The following TMEM30A variants were observed in gnomAD, a reference collection of about 807,000 sequenced individuals.
The protein encoded by TMEM30A is cell division cycle 50 P4-ATPase accessory subunit A, also known as cell cycle control protein 50A.
In TMEM30A, 24 loss-of-function variants were observed where a neutral mutation model predicts 38.2. The observed-to-expected ratio is 0.63, with a 90% CI of 0.46 to 0.88. The LOEUF is 0.88. Ranked by LOEUF, TMEM30A falls within the 40% of genes least tolerant of loss-of-function variation. The pLI is 0.00. For missense variants in TMEM30A, 370 were observed against 458.6 expected (o/e 0.81, Z 1.77); for synonymous variants, 145 against 161.6 (o/e 0.90, Z 0.78).
intron 1 of TMEM30A, among the ~76,000 whole-genome samples, chr6:75,282,073 T>C (rs1302777409): frequency 6.6e-6 from 1 of 152,230 alleles, no homozygotes; most frequent in Non-Finnish European, 1.5e-5. Context: ...AAACACATCC[T>C]GCTTTTTTAA....
intron 1 of TMEM30A, among the ~76,000 whole-genome samples, chr6:75,269,322 C>T (rs1772126738): frequency 6.6e-6 from 1 of 152,186 alleles, no homozygotes; most frequent in Admixed American, 6.5e-5. Context: ...TCTGCTAACC[C>T]CTGGAAAGGA....
chr6:75,256,071 C>T lies in TMEM30A; in HGVS notation c.*31G>A. ...GTTGAATAGGACTGGCCTTGATGCA[C>T]ATGCAGATGATTTGCTTTCATAATA... On this transcript the variant is annotated 3_prime_UTR_variant, in exon 7 of 7. Transcript: ENST00000230461. 3 of 1,507,604 alleles carry T rather than the reference C, an allele frequency of 2.0e-6. No homozygotes were observed. The highest frequency in any genetic ancestry group is 2.7e-6 in the Non-Finnish European group (3 of 1,094,568). 93.4% of individuals were successfully genotyped at this position (1,507,604 alleles called of 1,614,324 possible).
chr6:75,259,039 A>G (rs1771918623), intron 5 of TMEM30A, 53 bp from the exon 6 acceptor site: 1 of 1,464,348 alleles, frequency 6.8e-7, no homozygotes, highest in African/African-American at 1.4e-5. Context: ...TTGTGAAATT[A>G]AAGTGGCGGA....
intron 1 of TMEM30A, among the ~76,000 whole-genome samples, chr6:75,276,392 G>A (rs1274118256): frequency 6.6e-6 from 1 of 152,222 alleles, no homozygotes; most frequent in East Asian, 1.9e-4. Flanking sequence ...CTTACAATTG[G>A]CATCTAAAGT....
At chr6:75,277,571 C>T (rs1472735707) in intron 1 of TMEM30A, among the ~76,000 whole-genome samples, 1 of 152,122 alleles carries the variant, frequency 6.6e-6, no homozygotes, top group Non-Finnish European at 1.5e-5. Context: ...TGCCACTGCA[C>T]TCTAGCCTGG....
In TMEM30A at chr6:75,267,701, T is replaced by C. The variant is rs1772092615; in HGVS notation, c.285A>G (p.Leu95=). Residue 95 remains leucine (L), a synonymous_variant, in exon 2 of 7, where the codon TTA becomes TTG. Coordinates refer to ENST00000230461, the MANE Select transcript of TMEM30A (RefSeq NM_018247.4). The stretch of plus-strand genomic sequence containing the variant: ...AAAAGCAAGGTGTCACATCCGGAGA[T>C]AAACATTTATTACAGGGACTGGAAG... ...TEPSSPCNKC[L]SPDVTPCFCT... The C allele has an allele frequency of 6.2e-7, 1 of 1,611,824 alleles. No individual in the cohort carries two copies.
In TMEM30A at chr6:75,259,426, T is replaced by C. The variant is rs1771924825; in HGVS notation, c.606A>G (p.Lys202=). ...TTTTATCTGTCCACCAAGCAATACC[T>C]TTCTTTTTCAAAGCGATAGGTATAG... ...SYPIPIALKK[K]GIAWWTDKNV... Residue 202 remains lysine (K), a synonymous_variant, in exon 5 of 7, where the codon AAA becomes AAG. Coordinates refer to ENST00000230461, the MANE Select transcript of TMEM30A (RefSeq NM_018247.4). 1 of 1,613,474 alleles carries C rather than the reference T, an allele frequency of 6.2e-7. No individual in the cohort carries two copies. Among genetic ancestry groups the C allele is most frequent in the South Asian group, 1.1e-5 (1 of 91,038 alleles).
rs981691091 is a variant in TMEM30A, at chr6:75,265,253, T to C, written c.431A>G (p.Asn144Ser). 1.9e-6 allele frequency: 3 copies of C among 1,607,794 alleles called. No homozygotes were observed. Among genetic ancestry groups the C allele is most frequent in the Non-Finnish European group, 2.6e-6 (3 of 1,175,572 alleles). The change falls in exon 3 of 7, where the codon AAT (asparagine) becomes AGT (serine). Residue 144 changes from asparagine (N) to serine (S), a missense_variant. Physicochemically the swap from Asn to Ser is conservative, Grantham distance 46. Transcript: ENST00000230461. ...YVKSRDDSQL[N>S]GDSSALLNPS... is the part of the protein sequence containing the mutation. ...TACAAGCAAAGCACTAGAATCTCCA[T>C]TTAGTTGACTATCATCTCGAGATTT...
In TMEM30A at chr6:75,253,444, T is replaced by C. The variant is rs1376603373; in HGVS notation, c.*2658A>G. On this transcript the variant is annotated 3_prime_UTR_variant, in exon 7 of 7. Coordinates refer to ENST00000230461, the MANE Select transcript of TMEM30A (RefSeq NM_018247.4). ...CAAATGGTTAATGTTGTCACAGTGA[T>C]TAATAAATACAAATATGAATTAATT... 2 of 152,530 alleles carry C rather than the reference T, an allele frequency of 1.3e-5. No homozygotes were observed. The highest frequency in any genetic ancestry group is 3.8e-4 in the East Asian group (2 of 5,206). 9.4% of individuals were successfully genotyped at this position (152,530 alleles called of 1,614,324 possible).
At chr6:75,277,191 G>A (rs2149524166) in intron 1 of TMEM30A, among the ~76,000 whole-genome samples, 1 of 151,770 alleles carries the variant, frequency 6.6e-6, no homozygotes, top group East Asian at 1.9e-4. Context: ...CAGATTGTGT[G>A]GAAAGAGAAT....
At chr6:75,272,440 T>C (rs767701714) in intron 1 of TMEM30A, 1 of 152,220 alleles carries the variant, frequency 6.6e-6, no homozygotes, top group Non-Finnish European at 1.5e-5. Flanking sequence ...CTTCCTCTCC[T>C]TCTTTGTTCT....
chr6:75,253,596 A>T lies in TMEM30A; in HGVS notation c.*2506T>A, dbSNP rs145139968. 1.3e-5 allele frequency: 2 copies of T among 152,730 alleles called. No individual in the cohort carries two copies. Among genetic ancestry groups the T allele is most frequent in the East Asian group, 3.9e-4 (2 of 5,188 alleles). 9.5% of individuals were successfully genotyped at this position (152,730 alleles called of 1,614,324 possible). A position where few individuals can be genotyped will look rare whatever the true frequency, so the allele number is the denominator to read the frequency against. On this transcript the variant is annotated 3_prime_UTR_variant, in exon 7 of 7. Coordinates refer to ENST00000230461, the MANE Select transcript of TMEM30A (RefSeq NM_018247.4). Reference sequence around the variant, plus strand: ...TGGAGCATTGTTATTTTATCAAGACACCTGAACATAGCAAAATTAATTTTG... The same window carrying T: ...TGGAGCATTGTTATTTTATCAAGACTCCTGAACATAGCAAAATTAATTTTG...
At chr6:75,259,257 C>T in intron 5 of TMEM30A, 90 bp downstream of exon 5, 1 of 1,414,046 alleles carries the variant, frequency 7.1e-7, no homozygotes, top group Non-Finnish European at 9.6e-7. Context: ...TTTTTCAAAG[C>T]ATAACTTTAA....
intron 1 of TMEM30A, among the ~76,000 whole-genome samples, chr6:75,269,758 A>G (rs1272584822): frequency 4.0e-4 from 61 of 152,070 alleles, no homozygotes; most frequent in Non-Finnish European, 8.8e-5. Flanking sequence ...GCAGTGGCAC[A>G]ATCTCGGCTC....
Position 75,258,861 on chromosome 6 carries a change from T to C in TMEM30A, c.811A>G (p.Lys271Glu). ...TTCCTTTCTATAAGACGATACAACT[T>C]GCGAAAAGTAGGTAATGCTGCAGTA... ...MRTAALPTFR[K>E]LYRLIERKSD... The change falls in exon 6 of 7, where the codon AAG (lysine) becomes GAG (glutamate). Residue 271 changes from lysine to glutamate, a missense_variant. Transcript: ENST00000230461. 2 of 1,613,980 alleles carry C rather than the reference T, an allele frequency of 1.2e-6. No individual in the cohort carries two copies. Among genetic ancestry groups the C allele is most frequent in the Non-Finnish European group, 1.7e-6 (2 of 1,179,920 alleles).
At chr6:75,274,216 A>G (rs1038749170) in intron 1 of TMEM30A, among the ~76,000 whole-genome samples, 6 of 152,244 alleles carry the variant, frequency 3.9e-5, no homozygotes, top group Admixed American at 2.6e-4. Context: ...GTAAACTATT[A>G]GCATGTCACA....
At chr6:75,283,323 G>C (rs2149525920) in intron 1 of TMEM30A, among the ~76,000 whole-genome samples, 1 of 151,948 alleles carries the variant, frequency 6.6e-6, no homozygotes, top group Non-Finnish European at 1.5e-5. Flanking sequence ...GTGTGTGTGT[G>C]TGTGTGTGTG....
intron 1 of TMEM30A, among the ~76,000 whole-genome samples, chr6:75,270,928 C>T (rs1358003331): frequency 6.6e-6 from 1 of 152,090 alleles, no homozygotes; most frequent in Non-Finnish European, 1.5e-5. Flanking sequence ...ACAGGTCTCC[C>T]AAACGAAGAG....
At position 75,262,596 on chromosome 6, in the gene TMEM30A, C is replaced by T. The variant is rs6939011; in HGVS notation, c.454-1685G>A. ...GGCAGAAGTTGCAGTGAGCCGAGATCGCACCACTGCACTCCAGCCTGGGCG... is the reference window on the plus strand; with the variant it reads ...GGCAGAAGTTGCAGTGAGCCGAGATTGCACCACTGCACTCCAGCCTGGGCG... On this transcript the variant is annotated intron_variant, in intron 3 of 6. Transcript: ENST00000230461. Among the ~76,000 whole-genome samples, 683 of 151,602 alleles carry T rather than the reference C, an allele frequency of 4.5e-3. 5 individuals carry two copies. The highest frequency in any genetic ancestry group is 0.015 in the African/African-American group (633 of 41,318).
Sources: allele counts gnomAD v4.1 joint callset (sites outside exome capture counted in the v4.1 genomes callset), GRCh38; gene constraint gnomAD v4.1.1; transcripts MANE v1.5; gene names NCBI Gene and HGNC (gene_info 2026-07-23, HGNC 2026-07-21).